YBX1: variants seen among roughly 807,000 people sequenced by gnomAD.
YBX1 encodes the protein Y-box-binding protein 1.
Under a neutral mutation model 41.4 loss-of-function variants are expected in YBX1, and 3 were observed. The observed-to-expected ratio is 0.07, with a 90% CI of 0.03 to 0.19. The LOEUF is 0.19. Among genes scored for constraint, YBX1 ranks in the 10% least tolerant of loss-of-function variants. The pLI, the probability that YBX1 is intolerant of heterozygous loss-of-function variation, is 1.00. For missense variants in YBX1, 274 were observed against 462.8 expected (o/e 0.59, Z 3.74); for synonymous variants, 133 against 165.8 (o/e 0.80, Z 1.52).
At chr1:42,685,498 A>G (rs1002200907) in intron 2 of YBX1, among the ~76,000 whole-genome samples, 2 of 152,230 alleles carry the variant, frequency 1.3e-5, no homozygotes, top group African/African-American at 4.8e-5. Context: ...TTAATTAAGG[A>G]AAATGTATGT....
chr1:42,683,225 C>G (rs1384588794), intron 1 of YBX1, 178 bp from the exon 2 acceptor site: 1 of 755,138 alleles, frequency 1.3e-6, no homozygotes, highest in Non-Finnish European at 2.3e-6. Context: ...GCGCTTCAGA[C>G]TCACCCACGT....
At chr1:42,694,671 A>G (rs371844607) in intron 3 of YBX1, among the ~76,000 whole-genome samples, 24 of 152,362 alleles carry the variant, frequency 1.6e-4, no homozygotes, top group African/African-American at 5.8e-4. Flanking sequence ...ACCCAAACCC[A>G]ATCAGGTAGT....
chr1:42,685,765 G>A (rs942945491), intron 2 of YBX1, among the ~76,000 whole-genome samples: 1 of 152,170 alleles, frequency 6.6e-6, no homozygotes, highest in Non-Finnish European at 1.5e-5. Flanking sequence ...AATATTGTAT[G>A]TAAATTTTCT....
chr1:42,695,764 A>G lies in YBX1; in HGVS notation c.265-435A>G, dbSNP rs116642155. 1.9e-3 allele frequency among the ~76,000 whole-genome samples: 282 copies of G among 152,348 alleles called. 2 individuals carry two copies. Among genetic ancestry groups the G allele is most frequent in the African/African-American group, 6.6e-3 (276 of 41,592 alleles). ...AGTTTGATACGGTAACACAGGGGCA[A>G]AGTTGGTTTGGTCAGCTTTGAAGCA... On this transcript the variant is annotated intron_variant, in intron 3 of 7. Transcript: ENST00000321358.
In YBX1 at chr1:42,703,528, T is replaced by A. The variant is rs1650660489; in HGVS notation, c.*1579T>A. On this transcript the variant is annotated 3_prime_UTR_variant, in exon 8 of 8. Coordinates refer to ENST00000321358, the MANE Select transcript of YBX1 (RefSeq NM_004559.5). ...TAAATATCTGTACTGCAGAAGTGAG[T>A]TAGCCTATTTCTTGCTGGTGTTCAT... is the stretch of plus-strand genomic sequence containing the variant. Among the ~76,000 whole-genome samples, 1 of 152,096 alleles carries A rather than the reference T, an allele frequency of 6.6e-6. No homozygotes were observed.
intron 6 of YBX1, among the ~76,000 whole-genome samples, chr1:42,698,911 C>A (rs1309304472): frequency 6.6e-6 from 1 of 152,102 alleles, no homozygotes. Context: ...AAACATGCTG[C>A]CCCTAATGCA....
chr1:42,687,133 G>A (rs1650214789), intron 2 of YBX1, among the ~76,000 whole-genome samples: 1 of 152,148 alleles, frequency 6.6e-6, no homozygotes, highest in Non-Finnish European at 1.5e-5. Flanking sequence ...AAAAGTTCTA[G>A]TTTAGCATGT....
chr1:42,689,753 A>G (rs1570417865), intron 2 of YBX1, among the ~76,000 whole-genome samples: 1 of 152,154 alleles, frequency 6.6e-6, no homozygotes, highest in African/African-American at 2.4e-5. Flanking sequence ...GACTTACTAA[A>G]AAGTTTTCCA....
chr1:42,699,974 A>G (rs1650554664), intron 6 of YBX1, among the ~76,000 whole-genome samples: 1 of 152,188 alleles, frequency 6.6e-6, no homozygotes, highest in Non-Finnish European at 1.5e-5. Flanking sequence ...TGCAGTAAGA[A>G]AAAGATAGTA....
chr1:42,682,462 A>C lies in YBX1; in HGVS notation c.-104A>C, dbSNP rs1650052343. ...GTAGCGGGAGCGGAGAGCGGACCCC[A>C]GAGAGCCCTGAGCAGCCCCACCGCC... is the stretch of plus-strand genomic sequence containing the variant. On this transcript the variant is annotated 5_prime_UTR_variant, in exon 1 of 8. Transcript: ENST00000321358. 3.2e-6 allele frequency: 4 copies of C among 1,257,886 alleles called. No individual in the cohort carries two copies. The highest frequency in any genetic ancestry group is 2.0e-5 in the South Asian group (1 of 49,668). The allele number at this position is 1,257,886 out of a possible 1,614,324, so 77.9% of individuals were successfully genotyped here.
intron 2 of YBX1, among the ~76,000 whole-genome samples, chr1:42,690,749 A>G (rs1024437764): frequency 4.6e-5 from 7 of 151,754 alleles, no homozygotes; most frequent in African/African-American, 1.7e-4. Context: ...CTCCCTAACT[A>G]CCCTGTGCCA....
intron 3 of YBX1, 118 bp downstream of exon 3, chr1:42,693,641 C>T: frequency 9.8e-7 from 1 of 1,021,740 alleles, no homozygotes; most frequent in South Asian, 1.4e-5. Flanking sequence ...AGTTTATTTA[C>T]TTACGACAGG....
In YBX1 at chr1:42,693,510, T is replaced by C; in HGVS notation, c.251T>C (p.Val84Ala). ...FINRNDTKEDVFVHQTAIKKN... is the reference protein window; with the variant it reads ...FINRNDTKEDAFVHQTAIKKN... ...TGCAGGAATGACACCAAGGAAGATGTATTTGTACACCAGGTGAGTGCTTGT... is the reference window on the plus strand; with the variant it reads ...TGCAGGAATGACACCAAGGAAGATGCATTTGTACACCAGGTGAGTGCTTGT... Residue 84 changes from valine (V) to alanine (A), a missense_variant, in exon 3 of 8, where the codon GTA becomes GCA. Around this residue, in one of 3 missense-constraint regions of YBX1, gnomAD observed 84 missense variants for 130.8 expected, o/e 0.64. Coordinates refer to ENST00000321358, the MANE Select transcript of YBX1 (RefSeq NM_004559.5). The C allele has an allele frequency of 6.2e-7, 1 of 1,613,824 alleles. No individual in the cohort carries two copies. The highest frequency in any genetic ancestry group is 8.5e-7 in the Non-Finnish European group (1 of 1,179,828).
At position 42,702,762 on chromosome 1, in the gene YBX1, C is replaced by A. The variant is rs528365083; in HGVS notation, c.*813C>A. Among the ~76,000 whole-genome samples, 11 of 152,306 alleles carry A rather than the reference C, an allele frequency of 7.2e-5. No individual in the cohort carries two copies. The South Asian group carries it at 2.3e-3, about 32-fold the overall frequency. ...GATGCCAATTGAAGTGTTAGGACAA[C>A]CTGTCACACTGCCTGGTGTGGTCAT... On this transcript the variant is annotated 3_prime_UTR_variant, in exon 8 of 8. Coordinates refer to ENST00000321358, the MANE Select transcript of YBX1 (RefSeq NM_004559.5).
At chr1:42,685,147 AT>A (rs891884234) in intron 2 of YBX1, among the ~76,000 whole-genome samples, 2 of 152,012 alleles carry the variant, frequency 1.3e-5, no homozygotes, top group East Asian at 1.9e-4. Flanking sequence ...GTTTCGCTGC[AT>A]TTTTTTTAAG....
At chr1:42,683,036 G>T (rs1474278531) in intron 1 of YBX1, 4 of 406,704 alleles carry the variant, frequency 9.8e-6, no homozygotes, top group South Asian at 7.0e-5. Flanking sequence ...GTGCGCTCGG[G>T]CCCGCACGCC....
At chr1:42,685,686 A>C (rs1198784616) in intron 2 of YBX1, among the ~76,000 whole-genome samples, 1 of 152,154 alleles carries the variant, frequency 6.6e-6, no homozygotes, top group Admixed American at 6.6e-5. Context: ...TATTGTGACG[A>C]CTTTTAATTG....
chr1:42,697,367 A>G (rs1650487644), intron 6 of YBX1, 105 bp downstream of exon 6: 2 of 1,118,598 alleles, frequency 1.8e-6, no homozygotes, highest in Non-Finnish European at 2.5e-6. Flanking sequence ...TTAACACTTC[A>G]CGTTTTCTTT....
At chr1:42,686,906 G>C (rs1432460952) in intron 2 of YBX1, among the ~76,000 whole-genome samples, 1 of 152,174 alleles carries the variant, frequency 6.6e-6, no homozygotes, top group East Asian at 1.9e-4. Context: ...TTCACCAACT[G>C]CTCTTATGCT....
Sources: allele counts gnomAD v4.1 joint callset (sites outside exome capture counted in the v4.1 genomes callset), GRCh38; gene constraint gnomAD v4.1.1; regional missense constraint gnomAD v4.1.1; transcripts MANE v1.5; gene names NCBI Gene and HGNC (gene_info 2026-07-23, HGNC 2026-07-21).